Variants in PCDH15 observed in about 807,000 individuals in gnomAD.
The protein encoded by PCDH15 is protocadherin related 15, also known as protocadherin-15.
A neutral mutation model predicts 178.5 loss-of-function variants in PCDH15; 129 were observed. The observed-to-expected ratio is 0.72, with a 90% CI of 0.63 to 0.84. PCDH15 has a LOEUF of 0.84. PCDH15 is among the 40% of genes least tolerant of loss of function. PCDH15 has a pLI of 0.00. For synonymous variants in PCDH15, 800 were observed against 732.0 expected, an observed-to-expected ratio of 1.09 and a Z score of -1.50; for missense variants, 2,230 against 2,099.9, an observed-to-expected ratio of 1.06 and a Z score of -1.21.
At chr10:54,920,999 A>AG (rs1837472383) in intron 2 of PCDH15, among the ~76,000 whole-genome samples, 1 of 152,188 alleles carries the variant, frequency 6.6e-6, no homozygotes, top group Admixed American at 6.6e-5. Context: ...CATTCTTCTC[A>AG]TGAGTGGGTC....
rs144869189 is a variant in PCDH15 at position 54,065,517 on chromosome 10, GC to G, written c.2220+1239del. On this transcript the variant is annotated intron_variant, in intron 18 of 37. Coordinates refer to ENST00000644397, the MANE Select transcript of PCDH15 (RefSeq NM_001384140.1). The stretch of plus-strand genomic sequence containing the variant: ...GAGGTACTACAGTGTGGGGAGCAGA[GC>G]CTTCAGATGGGATGCTGGAGTTGAA... Among the ~76,000 whole-genome samples the G allele has an allele frequency of 4.3e-3, 658 of 152,310 alleles. 6 individuals are homozygous for G. Among genetic ancestry groups the G allele is most frequent in the Middle Eastern group, 0.02 (6 of 294 alleles).
intron 2 of PCDH15, among the ~76,000 whole-genome samples, chr10:54,932,489 T>C (rs1047113769): frequency 2.0e-5 from 3 of 152,220 alleles, no homozygotes; most frequent in East Asian, 1.9e-4. Context: ...AAAGTTATAA[T>C]ATGCTAAGGT....
chr10:54,738,193 G>A (rs1016927086), intron 1 of PCDH15, among the ~76,000 whole-genome samples: 1 of 152,098 alleles, frequency 6.6e-6, no homozygotes, highest in Non-Finnish European at 1.5e-5. Context: ...GTTTTACTCA[G>A]AATGAGTCAT....
At chr10:53,837,637 G>A (rs1402890685) in intron 29 of PCDH15, among the ~76,000 whole-genome samples, 1 of 152,008 alleles carries the variant, frequency 6.6e-6, no homozygotes, top group Admixed American at 6.6e-5. Context: ...GACCTGGACC[G>A]GCATCTTAAT....
intron 2 of PCDH15, among the ~76,000 whole-genome samples, chr10:55,456,922 G>T (rs1405955448): frequency 1.3e-5 from 2 of 152,028 alleles, no homozygotes; most frequent in African/African-American, 4.8e-5. Context: ...TTATCAGAAA[G>T]AATGCTATAT....
At chr10:54,466,022 T>C (rs115603140) in intron 3 of PCDH15, among the ~76,000 whole-genome samples, 1,538 of 152,136 alleles carry the variant, frequency 0.01, 39 homozygotes, top group African/African-American at 0.035. Context: ...CATATATATG[T>C]AGGTTCTCTG....
chr10:54,347,289 A>C (rs149464970), intron 5 of PCDH15, among the ~76,000 whole-genome samples: 92 of 152,210 alleles, frequency 6.0e-4, no homozygotes, highest in African/African-American at 1.9e-3. Flanking sequence ...CTCATTAGTT[A>C]AATTTCAACT....
intron 2 of PCDH15, among the ~76,000 whole-genome samples, chr10:55,002,434 C>T (rs546555643): frequency 6.6e-6 from 1 of 152,192 alleles, no homozygotes; most frequent in African/African-American, 2.4e-5. Context: ...TTTTTTAATG[C>T]TTTGCTCACA....
intron 14 of PCDH15, among the ~76,000 whole-genome samples, chr10:54,147,102 C>A (rs548327190): frequency 8.7e-5 from 13 of 149,984 alleles, no homozygotes; most frequent in Non-Finnish European, 1.8e-4. Flanking sequence ...GAAAGCAAAG[C>A]CTCATAACTT....
intron 2 of PCDH15, among the ~76,000 whole-genome samples, chr10:54,965,610 TATATATA>T (rs2131888506): frequency 1.8e-4 from 1 of 5,514 alleles, no homozygotes; most frequent in East Asian, 0.045. Flanking sequence ...CTTTGCTTCA[TATATATA>T]TATATATATA....
chr10:54,650,251 G>A (rs189001939), intron 2 of PCDH15, among the ~76,000 whole-genome samples: 22 of 152,136 alleles, frequency 1.4e-4, no homozygotes, highest in South Asian at 4.1e-4. Flanking sequence ...TGTGGCTATC[G>A]CATTTCAAGC....
intron 1 of PCDH15, among the ~76,000 whole-genome samples, chr10:55,304,502 A>C (rs910282586): frequency 6.6e-6 from 1 of 152,214 alleles, no homozygotes; most frequent in South Asian, 2.1e-4. Context: ...ACATGTTTTT[A>C]AGTTGTACTT....
At chr10:55,149,415 A>G (rs1383605315) in intron 2 of PCDH15, among the ~76,000 whole-genome samples, 1 of 152,018 alleles carries the variant, frequency 6.6e-6, no homozygotes, top group African/African-American at 2.4e-5. Context: ...TTACACATAT[A>G]GTATCAATTT....
At chr10:54,303,056 G>A (rs1173428319) in intron 8 of PCDH15, among the ~76,000 whole-genome samples, 3 of 152,104 alleles carry the variant, frequency 2.0e-5, no homozygotes, top group Admixed American at 1.3e-4. Flanking sequence ...ATTGAATAAT[G>A]AGTCACTTCT....
At chr10:54,518,501 A>G (rs1005294789) in intron 3 of PCDH15, among the ~76,000 whole-genome samples, 1 of 152,090 alleles carries the variant, frequency 6.6e-6, no homozygotes, top group African/African-American at 2.4e-5. Flanking sequence ...CCCCCCCAAG[A>G]CTAAACCAGG....
chr10:54,723,893 G>A (rs1161409341), intron 1 of PCDH15, among the ~76,000 whole-genome samples: 4 of 151,698 alleles, frequency 2.6e-5, no homozygotes, highest in Non-Finnish European at 4.4e-5. Flanking sequence ...AACAAGAGAT[G>A]TTGGTGTGGA....
chr10:54,194,836 C>A (rs1247732871), intron 11 of PCDH15, among the ~76,000 whole-genome samples: 3 of 151,970 alleles, frequency 2.0e-5, no homozygotes, highest in Non-Finnish European at 4.4e-5. Context: ...AATTAGAATA[C>A]CTCTGGGGAA....
At chr10:55,339,901 A>G (rs1844502274) in intron 2 of PCDH15, among the ~76,000 whole-genome samples, 1 of 151,932 alleles carries the variant, frequency 6.6e-6, no homozygotes, top group Non-Finnish European at 1.5e-5. Flanking sequence ...AGCTTGCTCC[A>G]CCAATGAAAT....
At chr10:55,272,478 C>A (rs767721045) in intron 1 of PCDH15, among the ~76,000 whole-genome samples, 1 of 151,586 alleles carries the variant, frequency 6.6e-6, no homozygotes, top group Non-Finnish European at 1.5e-5. Flanking sequence ...GATCTCGGCT[C>A]ACTGCAACCC....
Sources: gnomAD v4.1 joint callset for allele counts (sites outside exome capture counted in the v4.1 genomes callset) on GRCh38, gnomAD v4.1.1 for gene constraint, MANE v1.5 for transcripts, NCBI Gene and HGNC (gene_info 2026-07-23, HGNC 2026-07-21) for gene names.